PLAC1: variants seen among roughly 807,000 people sequenced by gnomAD.
PLAC1 encodes the protein placenta associated 1, also known as placenta-specific protein 1.
For synonymous variants in PLAC1, 68 were observed against 62.1 expected, an observed-to-expected ratio of 1.09 and a Z score of -0.44; for missense variants, 136 against 163.2, an observed-to-expected ratio of 0.83 and a Z score of 0.91.
chrX:134,724,745 G>A (rs1323703723), intron 2 of PLAC1, among the ~76,000 whole-genome samples: 1 of 112,415 alleles, frequency 8.9e-6, no homozygotes, highest in Non-Finnish European at 1.9e-5. Flanking sequence ...GCTCATGCCT[G>A]TAATCCCAGC....
At chrX:134,623,979 A>T (rs1481976020) in intron 1 of PLAC1, among the ~76,000 whole-genome samples, 2 of 111,703 alleles carry the variant, frequency 1.8e-5, no homozygotes, top group Non-Finnish European at 3.8e-5. Flanking sequence ...CATTAGATTT[A>T]TCAAGTGTCA....
At position 134,712,742 on chromosome X, in the gene PLAC1, A is replaced by G. The variant is rs369093358; in HGVS notation, n.174+20693T>C. Among the ~76,000 whole-genome samples, 14 of 110,232 alleles carry G rather than the reference A, an allele frequency of 1.3e-4. No homozygotes were observed. The East Asian group carries it at 4.0e-3, about 31-fold the overall frequency. ...TGCCTCTCCCGGTTCATCTCTCTCC[A>G]CTCTCCCACATAACACACGCCTTGT... On this transcript the variant is annotated intron_variant and non_coding_transcript_variant, in intron 2 of 2. Coordinates refer to the PLAC1 transcript ENST00000466797.
intron 2 of PLAC1, among the ~76,000 whole-genome samples, chrX:134,689,997 C>T (rs73224757): frequency 0.026 from 2,914 of 111,525 alleles, 36 homozygotes; most frequent in South Asian, 0.043. Flanking sequence ...AACTGAAACT[C>T]TGTCTTCATA....
chrX:134,728,105 A>G (rs770987225), intron 2 of PLAC1, among the ~76,000 whole-genome samples: 1 of 112,005 alleles, frequency 8.9e-6, no homozygotes, highest in Admixed American at 9.5e-5. Flanking sequence ...AGAAAGAAAA[A>G]CGAATGAAGA....
chrX:134,576,519 G>C (rs1219218496), intron 2 of PLAC1, among the ~76,000 whole-genome samples: 2 of 98,288 alleles, frequency 2.0e-5, no homozygotes, highest in Non-Finnish European at 2.0e-5. Flanking sequence ...CTGGGCGACA[G>C]AGTGAGACTC....
At chrX:134,635,805 G>C (rs2078280643) in intron 1 of PLAC1, among the ~76,000 whole-genome samples, 1 of 112,229 alleles carries the variant, frequency 8.9e-6, no homozygotes, top group Non-Finnish European at 1.9e-5. Flanking sequence ...CCATTCTGAA[G>C]CTGTCCTTCA....
chrX:134,632,213 T>A (rs975165697), intron 1 of PLAC1, among the ~76,000 whole-genome samples: 4 of 111,256 alleles, frequency 3.6e-5, no homozygotes, highest in Admixed American at 2.9e-4. Flanking sequence ...CTGGGCAAAG[T>A]CCCCTCAGCA....
intron 1 of PLAC1, among the ~76,000 whole-genome samples, chrX:134,743,608 G>A (rs935944497): frequency 8.9e-6 from 1 of 111,892 alleles, no homozygotes; most frequent in Non-Finnish European, 1.9e-5. Flanking sequence ...AGGCAAGAAT[G>A]AATAATTAAA....
intron 2 of PLAC1, among the ~76,000 whole-genome samples, chrX:134,674,055 C>T (rs533448123): frequency 1.2e-3 from 135 of 112,576 alleles, no homozygotes; most frequent in South Asian, 2.2e-3. Context: ...CAATTCCCTA[C>T]GGAGTGAAAC....
intron 2 of PLAC1, among the ~76,000 whole-genome samples, chrX:134,569,069 C>T (rs1324644437): frequency 9.0e-6 from 1 of 111,303 alleles, no homozygotes; most frequent in East Asian, 2.8e-4. Context: ...GCCAAGGAAA[C>T]AACTGTTTTT....
chrX:134,606,476 A>G (rs1381662155), intron 1 of PLAC1, among the ~76,000 whole-genome samples: 1 of 111,617 alleles, frequency 9.0e-6, no homozygotes, highest in East Asian at 2.8e-4. Flanking sequence ...AACCACAATG[A>G]GATACCATCT....
At chrX:134,616,374 C>T (rs970277577) in intron 1 of PLAC1, among the ~76,000 whole-genome samples, 29 of 111,908 alleles carry the variant, frequency 2.6e-4, no homozygotes, top group Non-Finnish European at 4.7e-4. Context: ...CAGTGGCTCA[C>T]GCCTGTAATC....
rs777879632 is a variant in PLAC1 at position 134,639,725 on chromosome X, C to A, written c.-131+18603G>T. 2.0e-4 allele frequency among the ~76,000 whole-genome samples: 22 copies of A among 111,727 alleles called. No homozygotes were observed. In the South Asian group the frequency reaches 8.2e-3, roughly 42 times the overall value. ...AAAGTAAAACCTCTTACCCATTAAG[C>A]AGATTCTTCTCATTTCTCCCAGACT... On this transcript the variant is annotated intron_variant, in intron 1 of 2. Coordinates refer to ENST00000359237, the MANE Select transcript of PLAC1 (RefSeq NM_021796.4).
chrX:134,613,034 T>C (rs1476150251), intron 1 of PLAC1, among the ~76,000 whole-genome samples: 1 of 110,642 alleles, frequency 9.0e-6, no homozygotes, highest in Non-Finnish European at 1.9e-5. Flanking sequence ...AATGCTCAAA[T>C]CTGAGATGGG....
At chrX:134,720,749 G>A (rs1455774481) in intron 2 of PLAC1, among the ~76,000 whole-genome samples, 3 of 112,325 alleles carry the variant, frequency 2.7e-5, no homozygotes, top group South Asian at 3.7e-4. Flanking sequence ...TTGACCTCCC[G>A]GGCTCAAGCC....
At chrX:134,577,531 A>G (rs1165086169) in intron 2 of PLAC1, among the ~76,000 whole-genome samples, 1 of 111,803 alleles carries the variant, frequency 8.9e-6, no homozygotes, top group Non-Finnish European at 1.9e-5. Context: ...TCCACTAAAA[A>G]TGCAAAAATT....
intron 2 of PLAC1, among the ~76,000 whole-genome samples, chrX:134,701,818 G>C (rs991570581): frequency 1.1e-4 from 12 of 112,157 alleles, no homozygotes; most frequent in African/African-American, 3.9e-4. Context: ...AGGAGTTCGA[G>C]ACCAGCCTGG....
chrX:134,659,246 G>T (rs112401448), upstream of PLAC1, among the ~76,000 whole-genome samples: 47 of 111,449 alleles, frequency 4.2e-4, no homozygotes, highest in East Asian at 9.8e-3. Context: ...AGGGATTACT[G>T]GTCAGTATGG....
chrX:134,631,377 AC>A (rs1441402054), intron 1 of PLAC1, among the ~76,000 whole-genome samples: 4 of 111,692 alleles, frequency 3.6e-5, no homozygotes, highest in Non-Finnish European at 7.5e-5. Context: ...ACTCAAAGCC[AC>A]CATTCCTTAG....
Sources: allele counts gnomAD v4.1 joint callset (sites outside exome capture counted in the v4.1 genomes callset), GRCh38; gene constraint gnomAD v4.1.1; transcripts MANE v1.5; gene names NCBI Gene and HGNC (gene_info 2026-07-23, HGNC 2026-07-21).